Variants in SMIM31 observed in about 807,000 individuals in gnomAD.
SMIM31 encodes small integral membrane protein 31, also known as human epithelial cell program regulator.
intron 2 of SMIM31, among the ~76,000 whole-genome samples, chr4:164,772,222 G>A (rs926289340): frequency 6.6e-6 from 1 of 151,998 alleles, no homozygotes; most frequent in African/African-American, 2.4e-5. Flanking sequence ...CAAAGCAGCA[G>A]GAAGAGGGAG....
At chr4:164,798,801 TG>T (rs1328188507) in intron 2 of SMIM31, among the ~76,000 whole-genome samples, 2 of 152,078 alleles carry the variant, frequency 1.3e-5, no homozygotes, top group Non-Finnish European at 2.9e-5. Flanking sequence ...GGGGCCCGGT[TG>T]GGGGTGATTG....
chr4:164,758,801 A>T (rs960266529), intron 1 of SMIM31, among the ~76,000 whole-genome samples: 3 of 60,908 alleles, frequency 4.9e-5, no homozygotes, highest in African/African-American at 6.8e-5. Context: ...GCCCGGCCAA[A>T]TTTTTTTTTT....
chr4:164,775,852 C>G (rs1490153373), intron 2 of SMIM31, among the ~76,000 whole-genome samples: 1 of 152,162 alleles, frequency 6.6e-6, no homozygotes, highest in Admixed American at 6.5e-5. Context: ...TGCTCCCTCA[C>G]CTACAACACA....
chr4:164,782,425 C>T (rs1732964761), intron 2 of SMIM31, among the ~76,000 whole-genome samples: 1 of 133,930 alleles, frequency 7.5e-6, no homozygotes, highest in South Asian at 2.4e-4. Flanking sequence ...GTGGCCCAGG[C>T]TGGAGTGCAG....
At chr4:164,761,357 T>C (rs1359408474) in intron 1 of SMIM31, among the ~76,000 whole-genome samples, 1 of 152,200 alleles carries the variant, frequency 6.6e-6, no homozygotes, top group African/African-American at 2.4e-5. Context: ...TACTGAGTCA[T>C]TCATCCTTAT....
intron 1 of SMIM31, among the ~76,000 whole-genome samples, chr4:164,756,523 G>A (rs909036278): frequency 1.3e-5 from 2 of 151,556 alleles, no homozygotes; most frequent in African/African-American, 2.4e-5. Context: ...AGTGAGGCGA[G>A]ATCACGTCAC....
At chr4:164,755,844 G>A (rs750400584) in intron 1 of SMIM31, among the ~76,000 whole-genome samples, 27 of 152,014 alleles carry the variant, frequency 1.8e-4, no homozygotes, top group Non-Finnish European at 3.1e-4. Flanking sequence ...TTCCCAACAC[G>A]TTGTTATGAA....
At chr4:164,780,198 C>A (rs1030341462) in intron 2 of SMIM31, among the ~76,000 whole-genome samples, 2 of 152,120 alleles carry the variant, frequency 1.3e-5, no homozygotes, top group African/African-American at 4.8e-5. Flanking sequence ...GAGGCCAAGG[C>A]GGGTGGATCA....
At chr4:164,793,663 C>G (rs1381165350) in intron 2 of SMIM31, among the ~76,000 whole-genome samples, 1 of 152,084 alleles carries the variant, frequency 6.6e-6, no homozygotes, top group Non-Finnish European at 1.5e-5. Context: ...TCTGGTGTCT[C>G]ACCTTATAAG....
At chr4:164,772,221 AG>A (rs1732812778) in intron 2 of SMIM31, among the ~76,000 whole-genome samples, 2 of 152,150 alleles carry the variant, frequency 1.3e-5, no homozygotes, top group Admixed American at 6.5e-5. Flanking sequence ...CCAAAGCAGC[AG>A]GAAGAGGGAG....
At chr4:164,779,718 T>G (rs1732923018) in intron 2 of SMIM31, among the ~76,000 whole-genome samples, 1 of 152,174 alleles carries the variant, frequency 6.6e-6, no homozygotes, top group Non-Finnish European at 1.5e-5. Flanking sequence ...CAGGGCAAAT[T>G]TCAGGCTTGT....
chr4:164,756,461 AC>A (rs1732562477), intron 1 of SMIM31, among the ~76,000 whole-genome samples: 1 of 151,734 alleles, frequency 6.6e-6, no homozygotes, highest in African/African-American at 2.4e-5. Context: ...AGTTCCAGCT[AC>A]TCAGGAGGCT....
chr4:164,799,170 G>C (rs1004395731), intron 2 of SMIM31, among the ~76,000 whole-genome samples: 2 of 151,982 alleles, frequency 1.3e-5, no homozygotes, highest in South Asian at 4.2e-4. Flanking sequence ...TGGATCCCTT[G>C]AACTCGGGAG....
chr4:164,800,900 C>T (rs1325089136), intron 2 of SMIM31, among the ~76,000 whole-genome samples, 191 bp from the exon 3 acceptor site: 1 of 152,168 alleles, frequency 6.6e-6, no homozygotes, highest in Admixed American at 6.5e-5. Context: ...CGAGTGTTCA[C>T]TAGTCTCTTC....
intron 2 of SMIM31, among the ~76,000 whole-genome samples, chr4:164,793,451 T>G (rs1733132772): frequency 6.6e-6 from 1 of 152,222 alleles, no homozygotes; most frequent in African/African-American, 2.4e-5. Context: ...TAGTCTGCCA[T>G]AATAAAATAC....
intron 1 of SMIM31, among the ~76,000 whole-genome samples, chr4:164,756,088 T>C (rs62352406): frequency 0.11 from 17,388 of 152,148 alleles, 1,097 homozygotes; most frequent in African/African-American, 0.16. Flanking sequence ...GAAGTCAATA[T>C]TTGTTTAACT....
At chr4:164,784,724 T>C (rs979768693) in intron 2 of SMIM31, among the ~76,000 whole-genome samples, 2 of 152,146 alleles carry the variant, frequency 1.3e-5, no homozygotes, top group Non-Finnish European at 2.9e-5. Context: ...CAAGAATCAA[T>C]ACAGAATCAT....
chr4:164,770,992 AATTTAT>A (rs1732794223), intron 2 of SMIM31, among the ~76,000 whole-genome samples: 1 of 152,206 alleles, frequency 6.6e-6, no homozygotes, highest in African/African-American at 2.4e-5. Flanking sequence ...GGGAACCAAA[AATTTAT>A]ATTTATTTGT....
In SMIM31 at chr4:164,765,759, T is replaced by A. The variant is rs551957343; in HGVS notation, c.-25-4660T>A. On this transcript the variant is annotated intron_variant, in intron 1 of 2. Transcript: ENST00000507311. ...AGTGGGCACTGCAGTATCTCACAGA[T>A]TTTTTTCAGCCCATAGTTTTCTAAT... is the stretch of plus-strand genomic sequence containing the variant. Among the ~76,000 whole-genome samples the A allele has an allele frequency of 3.9e-5, 6 of 152,236 alleles. No individual in the cohort carries two copies. In the South Asian group the frequency reaches 1.2e-3, roughly 32 times the overall value.
Sources: allele counts gnomAD v4.1 joint callset (sites outside exome capture counted in the v4.1 genomes callset), GRCh38; gene constraint gnomAD v4.1.1; transcripts MANE v1.5; gene names NCBI Gene and HGNC (gene_info 2026-07-23, HGNC 2026-07-21).